Variants in RBL1 observed in about 807,000 individuals in gnomAD.
The protein encoded by RBL1 is RB transcriptional corepressor like 1.
RBL1 carries 82 observed loss-of-function variants against 123.0 expected under a neutral mutation model. That is an observed-to-expected ratio of 0.67 (90% confidence interval 0.56 to 0.80). The LOEUF (loss-of-function observed/expected upper bound fraction) is 0.80. Among genes scored for constraint, RBL1 ranks in the 30% least tolerant of loss-of-function variants. The probability of loss-of-function intolerance (pLI) is 0.00; values close to 1 mark genes in which losing one functional copy is unlikely to be tolerated. For synonymous variants in RBL1, 405 were observed against 441.3 expected, an observed-to-expected ratio of 0.92 and a Z score of 1.03; for missense variants, 1,171 against 1,299.6, an observed-to-expected ratio of 0.90 and a Z score of 1.52.
intron 2 of RBL1, chr20:37,082,169 G>A (rs777621419): frequency 1.5e-5 from 5 of 344,400 alleles, no homozygotes; most frequent in Non-Finnish European, 2.8e-5. Context: ...AGGGACCTGC[G>A]TACCTCCTTC....
At chr20:37,006,531 A>G (rs1438407467) in intron 20 of RBL1, among the ~76,000 whole-genome samples, 1 of 151,474 alleles carries the variant, frequency 6.6e-6, no homozygotes, top group Non-Finnish European at 1.5e-5. Context: ...TAATCTCACA[A>G]TATAACAACA....
intron 2 of RBL1, among the ~76,000 whole-genome samples, chr20:37,071,218 G>T (rs565126181): frequency 6.6e-6 from 1 of 152,164 alleles, no homozygotes; most frequent in Middle Eastern, 3.4e-3. Flanking sequence ...ATTTCATGTA[G>T]ATTGGAAAGG....
intron 19 of RBL1, among the ~76,000 whole-genome samples, chr20:37,016,947 ATG>A (rs2064264433): frequency 8.6e-6 from 1 of 115,736 alleles, no homozygotes; most frequent in Non-Finnish European, 1.8e-5. Context: ...GAGGAGGGGG[ATG>A]GGGATGGGAA....
chr20:37,010,952 A>G (rs1415145785), intron 19 of RBL1, among the ~76,000 whole-genome samples: 5 of 152,166 alleles, frequency 3.3e-5, no homozygotes, highest in Non-Finnish European at 7.4e-5. Context: ...AGTAGTTGGG[A>G]CTACAGGTGT....
intron 9 of RBL1, among the ~76,000 whole-genome samples, chr20:37,060,696 T>A (rs922106074): frequency 6.6e-6 from 1 of 151,544 alleles, no homozygotes; most frequent in African/African-American, 2.4e-5. Context: ...GGTGGGAGAG[T>A]TGCTTGAGCC....
At chr20:37,076,868 G>T (rs2065371372) in intron 2 of RBL1, among the ~76,000 whole-genome samples, 1 of 151,496 alleles carries the variant, frequency 6.6e-6, no homozygotes, top group Non-Finnish European at 1.5e-5. Context: ...ACCTACACTT[G>T]CAAGGAGAGC....
chr20:37,091,920 T>A (rs1435780198), intron 1 of RBL1, among the ~76,000 whole-genome samples: 1 of 152,184 alleles, frequency 6.6e-6, no homozygotes, highest in Non-Finnish European at 1.5e-5. Flanking sequence ...TAAAGATGAA[T>A]ATTTTTACAA....
At chr20:37,000,494 C>T (rs2063953996) in intron 21 of RBL1, among the ~76,000 whole-genome samples, 1 of 144,636 alleles carries the variant, frequency 6.9e-6, no homozygotes, top group Admixed American at 6.7e-5. Context: ...GCCCGGCCAG[C>T]CGCCCCGTCC....
intron 9 of RBL1, among the ~76,000 whole-genome samples, chr20:37,058,210 C>T (rs545103820): frequency 3.5e-3 from 537 of 151,536 alleles, no homozygotes; most frequent in Non-Finnish European, 5.2e-3. Flanking sequence ...GAGGATCTCT[C>T]CCCAAATCTT....
At chr20:37,089,150 CA>C in intron 1 of RBL1, 28 bp from the exon 2 acceptor site, 1 of 1,569,150 alleles carries the variant, frequency 6.4e-7, no homozygotes, top group East Asian at 2.3e-5. Flanking sequence ...AACAGCAAAA[CA>C]GGTATAATAT....
chr20:37,033,734 C>A (rs2064554243), intron 15 of RBL1, among the ~76,000 whole-genome samples: 1 of 151,628 alleles, frequency 6.6e-6, no homozygotes, highest in African/African-American at 2.4e-5. Context: ...GCCTCAGCCT[C>A]CTGAATAGTT....
intron 20 of RBL1, among the ~76,000 whole-genome samples, chr20:37,005,330 C>T (rs966961901): frequency 6.6e-6 from 1 of 151,428 alleles, no homozygotes; most frequent in Admixed American, 6.6e-5. Context: ...TGCCTGAACC[C>T]AGGAGGCAGA....
At chr20:37,023,968 A>G (rs143287888) in intron 16 of RBL1, among the ~76,000 whole-genome samples, 8 of 151,148 alleles carry the variant, frequency 5.3e-5, no homozygotes, top group Admixed American at 1.3e-4. Context: ...GTATTTGAGT[A>G]GAGATGGGGT....
At chr20:37,012,156 C>T (rs1399539666) in intron 19 of RBL1, among the ~76,000 whole-genome samples, 1 of 152,240 alleles carries the variant, frequency 6.6e-6, no homozygotes, top group African/African-American at 2.4e-5. Context: ...GAGTCTGGTT[C>T]ACTCAGTGCT....
rs1416967503 is a variant in RBL1 at position 37,095,958 on chromosome 20, G to A, written c.-30C>T. 6.8e-6 allele frequency: 10 copies of A among 1,467,022 alleles called. No individual in the cohort carries two copies. Among genetic ancestry groups the A allele is most frequent in the Non-Finnish European group, 8.2e-6 (9 of 1,100,090 alleles). 90.9% of individuals were successfully genotyped at this position (1,467,022 alleles called of 1,614,324 possible). A position where few individuals can be genotyped will look rare whatever the true frequency, so the allele number is the denominator to read the frequency against. On this transcript the variant is annotated 5_prime_UTR_variant, in exon 1 of 22. Coordinates refer to ENST00000373664, the MANE Select transcript of RBL1 (RefSeq NM_002895.5). ...TCAGGCCCCGCGGGCTGCGCGCCACGGCCCCCGACTTCTTTCTCCCTCCCA... is the reference window on the plus strand; with the variant it reads ...TCAGGCCCCGCGGGCTGCGCGCCACAGCCCCCGACTTCTTTCTCCCTCCCA...
chr20:37,037,558 CAGAA>C (rs1200618049), intron 14 of RBL1, among the ~76,000 whole-genome samples: 4 of 151,792 alleles, frequency 2.6e-5, no homozygotes, highest in Non-Finnish European at 4.4e-5. Context: ...TAATAACTGA[CAGAA>C]AGAAGAGCCT....
chr20:37,068,320 C>T, intron 2 of RBL1, 134 bp from the exon 3 acceptor site: 1 of 1,301,762 alleles, frequency 7.7e-7, no homozygotes. Flanking sequence ...GTTAAGACCC[C>T]ATCTCTACAA....
At chr20:36,998,981 C>T (rs1483738917) in intron 21 of RBL1, 52 bp from the exon 22 acceptor site, 24 of 1,517,444 alleles carry the variant, frequency 1.6e-5, no homozygotes, top group Non-Finnish European at 2.2e-5. Flanking sequence ...GGGGAAATGG[C>T]AGCAAACAAC....
intron 2 of RBL1, chr20:37,082,165 C>T (rs1478042769): frequency 2.9e-6 from 1 of 347,398 alleles, no homozygotes; most frequent in Admixed American, 3.9e-5. Context: ...CCCCAGGGAC[C>T]TGCGTACCTC....
Sources: gnomAD v4.1 joint callset for allele counts (sites outside exome capture counted in the v4.1 genomes callset) on GRCh38, gnomAD v4.1.1 for gene constraint, MANE v1.5 for transcripts, NCBI Gene and HGNC (gene_info 2026-07-23, HGNC 2026-07-21) for gene names.